Variants in MEGF6 observed in about 807,000 individuals in gnomAD.
MEGF6 encodes multiple EGF like domains 6, also known as multiple epidermal growth factor-like domains protein 6.
In MEGF6, 184 loss-of-function variants were observed where a neutral mutation model predicts 207.1. That is an observed-to-expected ratio of 0.89 (90% CI 0.79 to 1.00). The LOEUF (loss-of-function observed/expected upper bound fraction) is 1.00. MEGF6 is among the 50% of genes least tolerant of loss of function. MEGF6 has a pLI of 0.00. For missense variants in MEGF6, 2,282 were observed against 2,202.9 expected, an observed-to-expected ratio of 1.04 and a Z score of -0.72; for synonymous variants, 1,038 against 910.0, an observed-to-expected ratio of 1.14 and a Z score of -2.53.
intron 2 of MEGF6, 111 bp from the exon 3 acceptor site, chr1:3,595,558 C>T (rs1038502992): frequency 2.3e-6 from 2 of 867,044 alleles, no homozygotes; most frequent in East Asian, 2.6e-5. Flanking sequence ...CCCGGCGGCA[C>T]AGGCTGCAGC....
At chr1:3,544,192 C>G (rs1642626408) in intron 4 of MEGF6, among the ~76,000 whole-genome samples, 1 of 150,920 alleles carries the variant, frequency 6.6e-6, no homozygotes, top group African/African-American at 2.5e-5. Flanking sequence ...CAGGCTAACC[C>G]TCTCCCCCCA....
chr1:3,526,398 ATTTT>A (rs57377827), intron 4 of MEGF6, among the ~76,000 whole-genome samples: 1 of 130,920 alleles, frequency 7.6e-6, no homozygotes, highest in Non-Finnish European at 1.6e-5. Context: ...GGTGACACCT[ATTTT>A]TTTTTTTTTT....
chr1:3,488,803 C>CT lies in MEGF6; in HGVS notation c.*1724dup, dbSNP rs1640239963. ...ATTGATGTTCTTCAAGGTCTTATGG[C>CT]TTTTTTATGTTATTTTTCCACCTTG... On this transcript the variant is annotated 3_prime_UTR_variant, in exon 37 of 37. Transcript: ENST00000356575. Among the ~76,000 whole-genome samples, 1 of 152,156 alleles carries CT rather than the reference C, an allele frequency of 6.6e-6. No homozygotes were observed. Among genetic ancestry groups the CT allele is most frequent in the Admixed American group, 6.5e-5 (1 of 15,286 alleles).
intron 1 of MEGF6, among the ~76,000 whole-genome samples, chr1:3,605,401 A>T (rs1221175807): frequency 6.6e-6 from 1 of 151,754 alleles, no homozygotes; most frequent in Non-Finnish European, 1.5e-5. Flanking sequence ...CCACAATTAC[A>T]TACACACAAC....
intron 4 of MEGF6, among the ~76,000 whole-genome samples, chr1:3,551,992 T>C (rs1642903567): frequency 6.6e-6 from 1 of 152,130 alleles, no homozygotes; most frequent in Non-Finnish European, 1.5e-5. Flanking sequence ...TCCCAGCCCC[T>C]TGAACCACAC....
intron 4 of MEGF6, among the ~76,000 whole-genome samples, chr1:3,524,507 GA>G (rs1641887735): frequency 1.3e-5 from 2 of 152,242 alleles, no homozygotes; most frequent in Non-Finnish European, 2.9e-5. Flanking sequence ...GGGCTCCAAG[GA>G]CAGGCTGGGC....
rs1640814277 is a variant in MEGF6, at chr1:3,500,574, CAT to C, written c.2707+57_2707+58del. ...AAGGCTTTGTGTGTGTGCACGTGTG[CAT>C]ATGTGTGCGTGTGCGCACTCAGGAG... On this transcript the variant is annotated intron_variant, in intron 21 of 36. Transcript: ENST00000356575. 7 of 1,508,430 alleles carry C rather than the reference CAT, an allele frequency of 4.6e-6. No individual in the cohort carries two copies. The Admixed American group carries it at 6.4e-5, about 14-fold the overall frequency. The allele number at this position is 1,508,430 out of a possible 1,614,324, so 93.4% of individuals were successfully genotyped here.
At chr1:3,531,391 GCGC>G (rs1642165352) in intron 4 of MEGF6, 1 of 1,162,410 alleles carries the variant, frequency 8.6e-7, no homozygotes, top group African/African-American at 1.6e-5. Flanking sequence ...GCTCCGCTCG[GCGC>G]CGCCCGGGAG....
chr1:3,541,948 T>C (rs1207210098), intron 4 of MEGF6, among the ~76,000 whole-genome samples: 7 of 152,106 alleles, frequency 4.6e-5, no homozygotes, highest in African/African-American at 1.7e-4. Context: ...GACACTCCGA[T>C]GAAAACCCAG....
At chr1:3,614,842 G>C (rs781594945), upstream of MEGF6, among the ~76,000 whole-genome samples, 2 of 152,262 alleles carry the variant, frequency 1.3e-5, no homozygotes, top group Non-Finnish European at 2.9e-5. Flanking sequence ...AGCCAGCCCA[G>C]CTCCTTCCAC....
At chr1:3,548,348 C>T (rs1046402985) in intron 4 of MEGF6, among the ~76,000 whole-genome samples, 2 of 152,346 alleles carry the variant, frequency 1.3e-5, no homozygotes, top group East Asian at 3.9e-4. Context: ...CCAAAGGCCT[C>T]GGGGCGGCCA....
rs770032711 is a variant in MEGF6, at chr1:3,515,550, A to G, written c.605-23T>C. The G allele has an allele frequency of 1.8e-5, 29 of 1,607,674 alleles. No homozygotes were observed. The Middle Eastern group carries it at 6.7e-4, about 37-fold the overall frequency. On this transcript the variant is annotated intron_variant, in intron 5 of 36. Coordinates refer to ENST00000356575, the MANE Select transcript of MEGF6 (RefSeq NM_001409.4). ...TGGCTGGGGACACAGGGAGGACCCC[A>G]AGTCAGCCCAAGAGGATGCCTGGCC... is the stretch of plus-strand genomic sequence containing the variant.
At position 3,580,036 on chromosome 1, in the gene MEGF6, C is replaced by A. The variant is rs528637224; in HGVS notation, c.377-107G>T. On this transcript the variant is annotated intron_variant, in intron 3 of 36. Transcript: ENST00000356575. ...AGGCAGCCCACCCAGCCTGCCAGGT[C>A]CCCAGCCCCGTTCTCTCTGTCCTAG... is the stretch of plus-strand genomic sequence containing the variant. 6.1e-5 allele frequency: 45 copies of A among 740,660 alleles called. No individual in the cohort carries two copies. The African/African-American group carries it at 6.8e-4, about 11-fold the overall frequency. The allele number at this position is 740,660 out of a possible 1,614,324, so 45.9% of individuals were successfully genotyped here. A position where few individuals can be genotyped will look rare whatever the true frequency, so the allele number is the denominator to read the frequency against.
intron 5 of MEGF6, among the ~76,000 whole-genome samples, chr1:3,520,539 C>A (rs962664139): frequency 6.6e-6 from 1 of 152,156 alleles, no homozygotes; most frequent in African/African-American, 2.4e-5. Context: ...GCTCTTCCCA[C>A]CCCAGAGACC....
chr1:3,542,189 T>A (rs1642551093), intron 4 of MEGF6, among the ~76,000 whole-genome samples: 1 of 152,176 alleles, frequency 6.6e-6, no homozygotes, highest in East Asian at 1.9e-4. Context: ...CCAGCCCCAG[T>A]GTGGGAAGGC....
In MEGF6 at chr1:3,501,717, G is replaced by A. The variant is rs1640876449; in HGVS notation, c.2314+79C>T. The A allele has an allele frequency of 5.2e-6, 8 of 1,532,180 alleles. No homozygotes were observed. In the Admixed American group the frequency reaches 6.5e-5, roughly 12 times the overall value. The allele number at this position is 1,532,180 out of a possible 1,614,324, so 94.9% of individuals were successfully genotyped here. ...CGGGCCTGGGATCCGCAGGGCTGGG[G>A]CCCCCACAGTTCAGGGCCCCACCAG... On this transcript the variant is annotated intron_variant, in intron 18 of 36. Transcript: ENST00000356575.
rs145200188 is a variant in MEGF6 at position 3,566,657 on chromosome 1, T to G, written c.481+13168A>C. On this transcript the variant is annotated intron_variant, in intron 4 of 36. Transcript: ENST00000356575. ...CCTTCCCCCAACGCACTTCACGCTA[T>G]GAGCCCCCCGGCGCCCCATCAAACA... is the stretch of plus-strand genomic sequence containing the variant. 7.2e-3 allele frequency among the ~76,000 whole-genome samples: 1,101 copies of G among 152,258 alleles called. 11 individuals carry two copies. The highest frequency in any genetic ancestry group is 0.025 in the African/African-American group (1,024 of 41,560).
intron 4 of MEGF6, among the ~76,000 whole-genome samples, chr1:3,536,103 C>T (rs1570083647): frequency 6.6e-6 from 1 of 152,270 alleles, no homozygotes; most frequent in East Asian, 1.9e-4. Flanking sequence ...CCTTCCCTGG[C>T]AGTCTAGACA....
chr1:3,505,366 G>A (rs769483380), intron 16 of MEGF6, 24 bp from the exon 17 acceptor site: 4 of 1,608,032 alleles, frequency 2.5e-6, no homozygotes, highest in East Asian at 2.2e-5. Flanking sequence ...GAGAGGGGTG[G>A]GTGGGGTTAA....
Sources: gnomAD v4.1 joint callset for allele counts (sites outside exome capture counted in the v4.1 genomes callset) on GRCh38, gnomAD v4.1.1 for gene constraint, MANE v1.5 for transcripts, NCBI Gene and HGNC (gene_info 2026-07-23, HGNC 2026-07-21) for gene names.